The following RMDN1 variants were observed in gnomAD, a reference collection of about 807,000 sequenced individuals.
RMDN1 encodes regulator of microtubule dynamics 1.
A neutral mutation model predicts 48.9 loss-of-function variants in RMDN1; 48 were observed. The ratio of observed to expected loss-of-function variants is 0.98; its 90% confidence interval spans 0.78 to 1.25. The LOEUF (loss-of-function observed/expected upper bound fraction) is 1.25, where lower values mean the gene tolerates loss of function less well. Ranked by LOEUF, RMDN1 falls within the 50% of genes most tolerant of loss-of-function variation. The pLI, the probability that RMDN1 is intolerant of heterozygous loss-of-function variation, is 0.00. For synonymous variants in RMDN1, 148 were observed against 132.6 expected (o/e 1.12, Z -0.80); for missense variants, 418 against 373.4 (o/e 1.12, Z -0.98).
intron 2 of RMDN1, among the ~76,000 whole-genome samples, chr8:86,506,445 T>C (rs1819376579): frequency 6.6e-6 from 1 of 151,990 alleles, no homozygotes; most frequent in Non-Finnish European, 1.5e-5. Flanking sequence ...CCTTAGGGGG[T>C]CTCAATCTTT....
At chr8:86,482,428 A>C (rs1814660909) in intron 5 of RMDN1, 1 of 452,860 alleles carries the variant, frequency 2.2e-6, no homozygotes, top group Non-Finnish European at 4.1e-6. Flanking sequence ...GAGGCTCTGT[A>C]AATCTTTGCA....
downstream of RMDN1, chr8:86,470,185 T>C: frequency 2.3e-6 from 3 of 1,288,888 alleles, no homozygotes; most frequent in African/African-American, 1.5e-5. Context: ...ATGTATGTAA[T>C]AACACTTAGA....
At chr8:86,499,200 T>C (rs1258239323) in intron 2 of RMDN1, among the ~76,000 whole-genome samples, 2 of 152,066 alleles carry the variant, frequency 1.3e-5, no homozygotes, top group Non-Finnish European at 2.9e-5. Flanking sequence ...AATATAGTAC[T>C]GGAAGTCCTA....
At chr8:86,489,304 TA>T (rs1816036360) in intron 2 of RMDN1, among the ~76,000 whole-genome samples, 1 of 152,228 alleles carries the variant, frequency 6.6e-6, no homozygotes, top group Admixed American at 6.5e-5. Flanking sequence ...CTCTTAAAAC[TA>T]ATTTATATAT....
chr8:86,504,223 A>C, intron 2 of RMDN1: 1 of 1,558,980 alleles, frequency 6.4e-7, no homozygotes, highest in Non-Finnish European at 8.8e-7. Context: ...GTTTTTGCTC[A>C]TTAACAGAAA....
rs1815180785 is a variant in RMDN1, at chr8:86,484,755, G to A, written c.585+117C>T. 1.1e-5 allele frequency: 6 copies of A among 521,904 alleles called. No individual in the cohort carries two copies. The East Asian group carries it at 2.0e-4, about 17-fold the overall frequency. 32.3% of individuals were successfully genotyped at this position (521,904 alleles called of 1,614,324 possible). A position where few individuals can be genotyped will look rare whatever the true frequency, so the allele number is the denominator to read the frequency against. On this transcript the variant is annotated intron_variant, in intron 5 of 9. Transcript: ENST00000406452. ...AAAAAAGAAATAACAAACTGTCATG[G>A]CTCTACTCCACTGTTATCATAGGTG...
intron 2 of RMDN1, among the ~76,000 whole-genome samples, chr8:86,506,242 G>C (rs1489536631): frequency 1.3e-5 from 2 of 152,124 alleles, no homozygotes; most frequent in Non-Finnish European, 2.9e-5. Context: ...TTTAGGTGTT[G>C]ATTTTGTTTT....
At chr8:86,482,117 G>A in intron 5 of RMDN1, 3 of 564,590 alleles carry the variant, frequency 5.3e-6, no homozygotes, top group South Asian at 2.2e-5. Flanking sequence ...AGGAGGCTCT[G>A]TAGGCCAGGC....
chr8:86,510,703 C>G (rs1448279530), upstream of RMDN1, among the ~76,000 whole-genome samples: 1 of 152,178 alleles, frequency 6.6e-6, no homozygotes, highest in Admixed American at 6.5e-5. Context: ...AATGATTGTT[C>G]CTGTTTTAAG....
At chr8:86,482,486 T>A (rs777435899) in intron 5 of RMDN1, 7 of 616,592 alleles carry the variant, frequency 1.1e-5, no homozygotes, top group Non-Finnish European at 2.1e-5. Context: ...GTGTTATTCG[T>A]TTTCTTCCTG....
chr8:86,495,994 T>C (rs1019663387), intron 2 of RMDN1, among the ~76,000 whole-genome samples: 1 of 152,182 alleles, frequency 6.6e-6, no homozygotes, highest in Non-Finnish European at 1.5e-5. Context: ...TAGGGGACTA[T>C]ATTCAACATC....
At chr8:86,474,458 A>C in intron 9 of RMDN1, 100 bp from the exon 10 acceptor site, 1 of 921,244 alleles carries the variant, frequency 1.1e-6, no homozygotes, top group Non-Finnish European at 1.8e-6. Context: ...GTTTCCAAAA[A>C]CCAGATAGGA....
downstream of RMDN1, among the ~76,000 whole-genome samples, chr8:86,469,244 CT>C (rs1314175458): frequency 2.6e-5 from 4 of 151,808 alleles, no homozygotes; most frequent in African/African-American, 7.3e-5. Flanking sequence ...ACCTTTTCCC[CT>C]GATGACTTCT....
At chr8:86,506,919 T>G (rs536474106) in intron 2 of RMDN1, 76 bp downstream of exon 2, 1 of 758,808 alleles carries the variant, frequency 1.3e-6, no homozygotes, top group African/African-American at 1.7e-5. Flanking sequence ...CCCTGATTCT[T>G]TGTTTTAAAA....
intron 2 of RMDN1, among the ~76,000 whole-genome samples, chr8:86,501,861 A>T (rs7460439): frequency 0.68 from 103,442 of 151,734 alleles, 36,819 homozygotes; most frequent in African/African-American, 0.89. Context: ...TGCCAAAATA[A>T]ATCATTCAGC....
chr8:86,486,458 G>A, intron 4 of RMDN1, 26 bp downstream of exon 4: 2 of 1,546,686 alleles, frequency 1.3e-6, no homozygotes, highest in East Asian at 2.3e-5. Context: ...TCAGTACATG[G>A]TTAATAGCTT....
At chr8:86,470,239 G>T, downstream of RMDN1, 2 of 1,289,362 alleles carry the variant, frequency 1.6e-6, no homozygotes, top group Non-Finnish European at 2.0e-6. Flanking sequence ...TGTACGTGGG[G>T]AAATAAGCAT....
intron 2 of RMDN1, among the ~76,000 whole-genome samples, chr8:86,489,787 T>C (rs1586682886): frequency 7.7e-6 from 1 of 130,032 alleles, no homozygotes; most frequent in Non-Finnish European, 1.6e-5. Flanking sequence ...CCATGATCGC[T>C]CCACTGCACT....
At chr8:86,469,367 GC>G (rs1812361754), downstream of RMDN1, among the ~76,000 whole-genome samples, 1 of 152,140 alleles carries the variant, frequency 6.6e-6, no homozygotes, top group Non-Finnish European at 1.5e-5. Flanking sequence ...CTGGTAAGTT[GC>G]ATCTGGACTG....
Sources: gnomAD v4.1 joint callset for allele counts (sites outside exome capture counted in the v4.1 genomes callset) on GRCh38, gnomAD v4.1.1 for gene constraint, MANE v1.5 for transcripts, NCBI Gene and HGNC (gene_info 2026-07-23, HGNC 2026-07-21) for gene names.